The following KCNH5 variants were observed in gnomAD, a reference collection of about 807,000 sequenced individuals.
The protein encoded by KCNH5 is voltage-gated delayed rectifier potassium channel KCNH5.
In KCNH5, 46 loss-of-function variants were observed where a neutral mutation model predicts 96.1. That is an observed-to-expected ratio of 0.48 (90% CI 0.38 to 0.61). The LOEUF (loss-of-function observed/expected upper bound fraction) is 0.61. Ranked by LOEUF, KCNH5 falls within the 20% of genes least tolerant of loss-of-function variation. The pLI is 0.00. For missense variants in KCNH5, 907 were observed against 1,225.8 expected, an observed-to-expected ratio of 0.74 and a Z score of 3.88; for synonymous variants, 439 against 449.8, an observed-to-expected ratio of 0.98 and a Z score of 0.30.
chr14:62,986,835 A>C (rs1423832114), intron 5 of KCNH5, among the ~76,000 whole-genome samples: 1 of 152,218 alleles, frequency 6.6e-6, no homozygotes, highest in African/African-American at 2.4e-5. Flanking sequence ...GATATGCTCA[A>C]AGAAAACCTT....
intron 8 of KCNH5, among the ~76,000 whole-genome samples, chr14:62,842,667 C>T (rs1023741650): frequency 5.3e-5 from 8 of 152,212 alleles, no homozygotes; most frequent in Admixed American, 2.0e-4. Flanking sequence ...AAAACTACTA[C>T]AGTTGTCCCA....
chr14:62,703,080 T>C lies in KCNH5; in HGVS notation c.*4428A>G, dbSNP rs993096947. On this transcript the variant is annotated 3_prime_UTR_variant, in exon 11 of 11. Transcript: ENST00000322893. ...ATTTCTGCCAAGCAGTATGATTAAG[T>C]AGAAATAAGAAAAATCACAAAATTT... The C allele has an allele frequency of 6.6e-6, 1 of 151,946 alleles. No individual in the cohort carries two copies. The highest frequency in any genetic ancestry group is 2.4e-5 in the African/African-American group (1 of 41,430). 9.4% of individuals were successfully genotyped at this position (151,946 alleles called of 1,614,324 possible).
At chr14:63,008,045 T>C (rs1288701824) in intron 2 of KCNH5, among the ~76,000 whole-genome samples, 2 of 152,152 alleles carry the variant, frequency 1.3e-5, no homozygotes, top group Non-Finnish European at 2.9e-5. Flanking sequence ...CTGATCGGTA[T>C]GATTGTCCAG....
intron 7 of KCNH5, among the ~76,000 whole-genome samples, chr14:62,876,110 T>A (rs1888367453): frequency 6.6e-6 from 1 of 152,144 alleles, no homozygotes; most frequent in Non-Finnish European, 1.5e-5. Context: ...GAGGTTGCAG[T>A]GAGTCGAGAT....
intron 8 of KCNH5, among the ~76,000 whole-genome samples, chr14:62,821,940 A>G (rs1282167767): frequency 6.6e-6 from 1 of 152,190 alleles, no homozygotes; most frequent in Non-Finnish European, 1.5e-5. Flanking sequence ...CATAGACCAC[A>G]GCCTAATGCC....
At position 63,009,516 on chromosome 14, in the gene KCNH5, T is replaced by C. The variant is rs1891187201; in HGVS notation, c.198-3044A>G. On this transcript the variant is annotated intron_variant, in intron 2 of 10. Coordinates refer to ENST00000322893, the MANE Select transcript of KCNH5 (RefSeq NM_139318.5). The stretch of plus-strand genomic sequence containing the variant: ...TTTCTTACATTGTTCCACTCAGATT[T>C]TTCATTTATTATACCGCATATTTCC... 2.0e-5 allele frequency among the ~76,000 whole-genome samples: 3 copies of C among 152,326 alleles called. No homozygotes were observed. The South Asian group carries it at 6.2e-4, about 32-fold the overall frequency.
At chr14:62,958,996 A>G (rs1890158285) in intron 6 of KCNH5, among the ~76,000 whole-genome samples, 3 of 152,012 alleles carry the variant, frequency 2.0e-5, no homozygotes, top group Admixed American at 1.3e-4. Flanking sequence ...AAAAATTAAC[A>G]TACCCCCTCA....
At chr14:62,969,634 G>A (rs997141970) in intron 6 of KCNH5, among the ~76,000 whole-genome samples, 2 of 151,940 alleles carry the variant, frequency 1.3e-5, no homozygotes, top group East Asian at 3.9e-4. Flanking sequence ...AACAGTTAAC[G>A]CATGCAGGGC....
intron 6 of KCNH5, among the ~76,000 whole-genome samples, chr14:62,969,859 C>T (rs575406469): frequency 2.1e-5 from 3 of 142,880 alleles, no homozygotes; most frequent in East Asian, 2.1e-4. Context: ...CTCAGGAACT[C>T]GAGACCACCC....
At chr14:62,799,726 T>TTTATATATACAC (rs1555357233) in intron 9 of KCNH5, among the ~76,000 whole-genome samples, 5 of 68,664 alleles carry the variant, frequency 7.3e-5, no homozygotes, top group Non-Finnish European at 1.4e-4. Flanking sequence ...TATATATATA[T>TTTATATATACAC]ACACACACAC....
At chr14:62,802,672 A>G in intron 8 of KCNH5, 91 bp from the exon 9 acceptor site, 1 of 1,444,752 alleles carries the variant, frequency 6.9e-7, no homozygotes, top group South Asian at 1.3e-5. Flanking sequence ...ATTGACTATG[A>G]CTATGTCTGC....
intron 2 of KCNH5, among the ~76,000 whole-genome samples, chr14:63,007,473 T>C (rs1410524088): frequency 1.3e-5 from 2 of 152,192 alleles, no homozygotes; most frequent in African/African-American, 2.4e-5. Context: ...TCAACGTTTC[T>C]AATGTTCAAA....
At chr14:62,736,747 C>T (rs1396006037) in intron 10 of KCNH5, among the ~76,000 whole-genome samples, 1 of 152,190 alleles carries the variant, frequency 6.6e-6, no homozygotes, top group Non-Finnish European at 1.5e-5. Flanking sequence ...GCACTCCTGA[C>T]CAAAATTGGC....
chr14:62,855,686 C>T (rs1887913513), intron 7 of KCNH5, among the ~76,000 whole-genome samples: 1 of 151,976 alleles, frequency 6.6e-6, no homozygotes, highest in South Asian at 2.1e-4. Flanking sequence ...CTCTGAAGAA[C>T]AATTTTTAAT....
At chr14:62,801,366 T>C (rs1030647636) in intron 9 of KCNH5, among the ~76,000 whole-genome samples, 14 of 119,658 alleles carry the variant, frequency 1.2e-4, no homozygotes, top group South Asian at 4.1e-4. Context: ...TTCTAACTTA[T>C]TTTACCTGGT....
intron 1 of KCNH5, among the ~76,000 whole-genome samples, chr14:63,030,749 C>G (rs560502170): frequency 1.1e-4 from 17 of 152,258 alleles, no homozygotes; most frequent in African/African-American, 3.9e-4. Context: ...TTCCTAAATG[C>G]TGGCAGCTGC....
chr14:63,027,269 C>T (rs548131222), intron 1 of KCNH5, among the ~76,000 whole-genome samples: 38 of 151,858 alleles, frequency 2.5e-4, no homozygotes, highest in African/African-American at 9.2e-4. Context: ...GAGTGATCTA[C>T]TATATATCAG....
At chr14:62,874,035 TA>T (rs905927188) in intron 7 of KCNH5, among the ~76,000 whole-genome samples, 1 of 152,184 alleles carries the variant, frequency 6.6e-6, no homozygotes, top group African/African-American at 2.4e-5. Context: ...AATTTATATT[TA>T]AAACAAGTAA....
At chr14:62,911,689 A>T (rs1889157784) in intron 7 of KCNH5, among the ~76,000 whole-genome samples, 1 of 151,884 alleles carries the variant, frequency 6.6e-6, no homozygotes, top group Non-Finnish European at 1.5e-5. Flanking sequence ...AAACATCAGC[A>T]TGTCAGATTA....
Sources: allele counts gnomAD v4.1 joint callset (sites outside exome capture counted in the v4.1 genomes callset), GRCh38; gene constraint gnomAD v4.1.1; transcripts MANE v1.5; gene names NCBI Gene and HGNC (gene_info 2026-07-23, HGNC 2026-07-21).